COL16A1: variants seen among roughly 807,000 people sequenced by gnomAD.
COL16A1 encodes collagen alpha-1(XVI) chain.
A neutral mutation model predicts 266.3 loss-of-function variants in COL16A1; 189 were observed. The ratio of observed to expected loss-of-function variants is 0.71; its 90% CI spans 0.63 to 0.80. The LOEUF (loss-of-function observed/expected upper bound fraction) is 0.80. Ranked by LOEUF, COL16A1 falls within the 30% of genes least tolerant of loss-of-function variation. COL16A1 has a pLI of 0.00. For synonymous variants in COL16A1, 740 were observed against 782.3 expected (o/e 0.95, Z 0.90); for missense variants, 1,928 against 2,122.4 (o/e 0.91, Z 1.80).
chr1:31,661,564 CA>C, intron 59 of COL16A1, 95 bp downstream of exon 59: 1 of 1,612,386 alleles, frequency 6.2e-7, no homozygotes. Context: ...AAAGTCATAA[CA>C]CGGTCCACGG....
chr1:31,695,952 A>G (rs1570586465), intron 9 of COL16A1, 136 bp downstream of exon 9: 2 of 985,748 alleles, frequency 2.0e-6, no homozygotes, highest in Non-Finnish European at 1.6e-6. Flanking sequence ...GCTGGCACCT[A>G]CATGTCCTAA....
chr1:31,698,011 C>T lies in COL16A1; in HGVS notation c.552G>A (p.Val184=), dbSNP rs774860357. 1 of 1,613,592 alleles carries T rather than the reference C, an allele frequency of 6.2e-7. No homozygotes were observed. The highest frequency in any genetic ancestry group is 8.5e-7 in the Non-Finnish European group (1 of 1,180,042). The part of the protein sequence containing the change: ...SVAGRVASVH[V]DCSSASSQPL... The stretch of plus-strand genomic sequence containing the variant: ...GCTGGGAGGAGGCTGAGCTGCAGTC[C>T]ACGTGCACAGAGGCCACACGTCCAG... Residue 184 remains valine (V), a synonymous_variant, in exon 6 of 71, where the codon GTG becomes GTA. Transcript: ENST00000373672. This position sits in a 1 kb window ranked among gnomAD's most constrained non-coding sequence, Gnocchi z 4.1.
At chr1:31,694,822 C>T (rs892237910) in intron 11 of COL16A1, among the ~76,000 whole-genome samples, 1 of 152,216 alleles carries the variant, frequency 6.6e-6, no homozygotes, top group African/African-American at 2.4e-5. Flanking sequence ...CAGCTCTTCC[C>T]CTTCTCTAGG....
At position 31,683,942 on chromosome 1, in the gene COL16A1, A is replaced by G. The variant is rs1354528735; in HGVS notation, c.2337+8T>C. The G allele has an allele frequency of 1.2e-6, 2 of 1,613,744 alleles. No homozygotes were observed. The highest frequency in any genetic ancestry group is 1.7e-6 in the Non-Finnish European group (2 of 1,179,924). ...GCTACGGCCCAGGGCCCCAAGACTCACACATACCTGCACGCCCTTCAGTCC... is the reference window on the plus strand; with the variant it reads ...GCTACGGCCCAGGGCCCCAAGACTCGCACATACCTGCACGCCCTTCAGTCC... On this transcript the variant is annotated splice_region_variant and intron_variant, in intron 33 of 70. Coordinates refer to ENST00000373672, the MANE Select transcript of COL16A1 (RefSeq NM_001856.4).
Position 31,698,378 on chromosome 1 carries a change from G to C in COL16A1, c.390+105C>G, listed in dbSNP as rs991370464. 6.4e-7 allele frequency: 1 copy of C among 1,564,272 alleles called. No individual in the cohort carries two copies. The highest frequency in any genetic ancestry group is 1.3e-5 in the African/African-American group (1 of 74,338). ...GGGGACAGGCTTGAGGGTAGGCACA[G>C]GATGGAGCAGGGAGACCCCAGAAGT... On this transcript the variant is annotated intron_variant, in intron 5 of 70. Transcript: ENST00000373672. The surrounding 1 kb of genome is among the most constrained non-coding windows in gnomAD (Gnocchi z 4.1).
chr1:31,672,662 T>C (rs1642830873), intron 45 of COL16A1, 25 bp from the exon 46 acceptor site: 3 of 1,605,718 alleles, frequency 1.9e-6, no homozygotes, highest in Non-Finnish European at 2.6e-6. Context: ...GAGAGGCACA[T>C]TGTCTGATGA....
At position 31,696,999 on chromosome 1, in the gene COL16A1, G is replaced by A. The variant is rs1417302486; in HGVS notation, c.828C>T (p.Thr276=). 12 of 1,614,120 alleles carry A rather than the reference G, an allele frequency of 7.4e-6. No homozygotes were observed. Among genetic ancestry groups the A allele is most frequent in the Non-Finnish European group, 9.3e-6 (11 of 1,180,012 alleles). ...INPQSEGKVY[T]RCFCLEEPQN... The stretch of plus-strand genomic sequence containing the variant: ...GAGGCTCCTCCAGGCAGAAGCAGCG[G>A]GTGTAGACCTTGCCTTCAGACTGTG... The change falls in exon 8 of 71, where the codon ACC becomes ACT. Residue 276 remains threonine, a synonymous_variant. Transcript: ENST00000373672.
Position 31,664,345 on chromosome 1 carries a change from T to C in COL16A1, c.3555+827A>G, listed in dbSNP as rs1463992090. ...TGTGCCTCTGGGCTGCCCCAAGCCT[T>C]GTGGGTGTCAGTTTCCTCACCTGCA... On this transcript the variant is annotated intron_variant, in intron 56 of 70. Coordinates refer to ENST00000373672, the MANE Select transcript of COL16A1 (RefSeq NM_001856.4). This position sits in a 1 kb window ranked among gnomAD's most constrained non-coding sequence, Gnocchi z 5.5. Among the ~76,000 whole-genome samples the C allele has an allele frequency of 6.6e-6, 1 of 152,126 alleles. No homozygotes were observed. The highest frequency in any genetic ancestry group is 1.5e-5 in the Non-Finnish European group (1 of 67,994).
At chr1:31,691,255 GT>G in intron 19 of COL16A1, 29 bp from the exon 20 acceptor site, 1 of 1,613,128 alleles carries the variant, frequency 6.2e-7, no homozygotes. Flanking sequence ...TCACGTGGAA[GT>G]TTCCAGGGAC....
In COL16A1 at chr1:31,689,783, C is replaced by T; in HGVS notation, c.1578G>A (p.Lys526=). 9 of 1,614,152 alleles carry T rather than the reference C, an allele frequency of 5.6e-6. No individual in the cohort carries two copies. Among genetic ancestry groups the T allele is most frequent in the Non-Finnish European group, 7.6e-6 (9 of 1,180,008 alleles). Reference sequence around the variant, plus strand: ...CACCAGGCTCCCCTTTGGGCCCTGGCTTTCCAGGAAGTCCAACAAAGTTCT... The same window carrying T: ...CACCAGGCTCCCCTTTGGGCCCTGGTTTTCCAGGAAGTCCAACAAAGTTCT... ...GFQNFVGLPG[K]PGPKGEPGDP... is the part of the protein sequence containing the mutation. The change falls in exon 23 of 71, where the codon AAG becomes AAA. Residue 526 remains lysine, a synonymous_variant. Transcript: ENST00000373672.
At position 31,653,943 on chromosome 1, in the gene COL16A1, C is replaced by A; in HGVS notation, c.4458G>T (p.Arg1486Ser). The change falls in exon 69 of 71, where the codon AGG (arginine) becomes AGT (serine). Residue 1486 changes from arginine to serine, a missense_variant. This residue lies in a region of COL16A1 where 376 missense variants were observed against 485.2 expected (regional missense o/e 0.77). Coordinates refer to ENST00000373672, the MANE Select transcript of COL16A1 (RefSeq NM_001856.4). Reference sequence around the variant, plus strand: ...GCCCAGGTGACCCTGGAGCACCTGGCCTGCCCGGAGCACCATCCTTCCCTG... The same window carrying A: ...GCCCAGGTGACCCTGGAGCACCTGGACTGCCCGGAGCACCATCCTTCCCTG... ...GPPGKDGAPG[R>S]PGAPGSPGLP... 6.2e-7 allele frequency: 1 copy of A among 1,614,202 alleles called. No homozygotes were observed. Among genetic ancestry groups the A allele is most frequent in the Non-Finnish European group, 8.5e-7 (1 of 1,180,030 alleles).
intron 11 of COL16A1, among the ~76,000 whole-genome samples, chr1:31,694,492 G>T (rs1644408579): frequency 6.6e-6 from 1 of 152,212 alleles, no homozygotes; most frequent in Admixed American, 6.5e-5. Flanking sequence ...AACAGATTTG[G>T]TGGGGGACTG....
At chr1:31,662,940 G>A in intron 56 of COL16A1, 1 of 550,414 alleles carries the variant, frequency 1.8e-6, no homozygotes, top group Non-Finnish European at 3.2e-6. Flanking sequence ...GCATGGCAGG[G>A]GCTCAGTAGC....
chr1:31,688,996 G>C lies in COL16A1; in HGVS notation c.1657-25C>G. On this transcript the variant is annotated intron_variant, in intron 24 of 70. Coordinates refer to ENST00000373672, the MANE Select transcript of COL16A1 (RefSeq NM_001856.4). The surrounding 1 kb of genome is among the most constrained non-coding windows in gnomAD (Gnocchi z 4.9). The stretch of plus-strand genomic sequence containing the variant: ...CCTGGGGAAAGAAGAGGAAGGATCA[G>C]AAATGCTTCCAGGTAGGCAGAGGAG... 1.9e-6 allele frequency: 3 copies of C among 1,614,082 alleles called. No homozygotes were observed. In the South Asian group the frequency reaches 3.3e-5, roughly 18 times the overall value.
rs757185528 is a variant in COL16A1, at chr1:31,662,677, C to CG, written c.3556-20_3556-19insC. ...CGCTGCCCTGGAAACCAGCGCCGCC[C>CG]CCCCCCCCCGCCCCACAATAAAGTC... On this transcript the variant is annotated intron_variant, in intron 56 of 70. Transcript: ENST00000373672. 8.9e-6 allele frequency: 10 copies of CG among 1,120,996 alleles called. No homozygotes were observed. The highest frequency in any genetic ancestry group is 1.6e-5 in the African/African-American group (1 of 62,634). The allele number at this position is 1,120,996 out of a possible 1,614,324, so 69.4% of individuals were successfully genotyped here.
At position 31,658,543 on chromosome 1, in the gene COL16A1, C is replaced by T. The variant is rs1641367464; in HGVS notation, c.3965G>A (p.Arg1322Lys). The T allele has an allele frequency of 1.9e-6, 3 of 1,605,044 alleles. No homozygotes were observed. The East Asian group carries it at 6.7e-5, about 36-fold the overall frequency. The change falls in exon 64 of 71, where the codon AGG becomes AAG. Residue 1322 changes from arginine to lysine, a missense_variant. Transcript: ENST00000373672. ...LKGDRGATGE[R>K]GLAGLPGQPG... ...CTGGCCTGGGAGGCCTGCAAGGCCC[C>T]TTTCTCCGGTGGCTCCTCGGTCTCC...
intron 43 of COL16A1, 104 bp from the exon 44 acceptor site, chr1:31,675,143 A>C (rs1323627190): frequency 6.2e-7 from 1 of 1,609,598 alleles, no homozygotes; most frequent in African/African-American, 1.3e-5. Context: ...TTCCAGCCTC[A>C]GAAGTGGGAG....
intron 11 of COL16A1, 111 bp from the exon 12 acceptor site, chr1:31,694,281 A>T: frequency 1.2e-6 from 1 of 809,042 alleles, no homozygotes; most frequent in Non-Finnish European, 1.9e-6. Flanking sequence ...CAGGACCAGC[A>T]GCCTGTATCC....
chr1:31,668,989 C>A lies in COL16A1; in HGVS notation c.3196-134G>T, dbSNP rs1642404635. On this transcript the variant is annotated intron_variant, in intron 49 of 70. Coordinates refer to ENST00000373672, the MANE Select transcript of COL16A1 (RefSeq NM_001856.4). The surrounding 1 kb of genome is among the most constrained non-coding windows in gnomAD (Gnocchi z 5.8). ...AGGCCATAGTGGCTCTCGTAGTGTCCCTAGAAGGTGACCCGTAATGGGTGT... is the reference window on the plus strand; with the variant it reads ...AGGCCATAGTGGCTCTCGTAGTGTCACTAGAAGGTGACCCGTAATGGGTGT... 2.7e-6 allele frequency: 2 copies of A among 743,454 alleles called. No homozygotes were observed. Among genetic ancestry groups the A allele is most frequent in the African/African-American group, 3.5e-5 (2 of 56,490 alleles). 46.1% of individuals were successfully genotyped at this position (743,454 alleles called of 1,614,324 possible).
Sources: gnomAD v4.1 joint callset for allele counts (sites outside exome capture counted in the v4.1 genomes callset) on GRCh38, gnomAD v4.1.1 for gene constraint, gnomAD v4.1.1 regional missense constraint, Gnocchi (gnomAD v3.1) non-coding constraint, MANE v1.5 for transcripts, NCBI Gene and HGNC (gene_info 2026-07-23, HGNC 2026-07-21) for gene names.